The following EBF2 variants were observed in gnomAD, a reference collection of about 807,000 sequenced individuals.
EBF2 encodes EBF transcription factor 2, also known as transcription factor COE2.
A neutral mutation model predicts 72.8 loss-of-function variants in EBF2; 21 were observed. The ratio of observed to expected loss-of-function variants is 0.29; its 90% CI spans 0.20 to 0.42. The LOEUF is 0.42. Among genes scored for constraint, EBF2 ranks in the 10% least tolerant of loss-of-function variants. The pLI, the probability that EBF2 is intolerant of heterozygous loss-of-function variation, is 1.00. For synonymous variants in EBF2, 299 were observed against 274.2 expected (o/e 1.09, Z -0.89); for missense variants, 637 against 731.2 (o/e 0.87, Z 1.49).
chr8:25,965,306 T>A (rs1241680287), intron 6 of EBF2, among the ~76,000 whole-genome samples: 1 of 152,218 alleles, frequency 6.6e-6, no homozygotes, highest in African/African-American at 2.4e-5. Context: ...CGATTTTGTG[T>A]AACATATTTT....
chr8:26,031,989 C>G (rs1031164957), intron 6 of EBF2: 1 of 152,234 alleles, frequency 6.6e-6, no homozygotes, highest in Non-Finnish European at 1.5e-5. Context: ...ACACATCCAA[C>G]AAACATTTTA....
intron 6 of EBF2, among the ~76,000 whole-genome samples, chr8:26,023,299 A>G (rs776101437): frequency 1.3e-5 from 2 of 152,204 alleles, no homozygotes; most frequent in African/African-American, 4.8e-5. Context: ...TCTAAAAACA[A>G]ATACCTACTT....
At chr8:25,869,234 GACA>G (rs1249780738) in intron 10 of EBF2, among the ~76,000 whole-genome samples, 1 of 152,108 alleles carries the variant, frequency 6.6e-6, no homozygotes, top group Admixed American at 6.5e-5. Flanking sequence ...ACACATAAAT[GACA>G]ACTGCTCTGG....
chr8:26,040,011 G>A lies in EBF2; in HGVS notation c.482+17C>T. The A allele has an allele frequency of 1.2e-6, 2 of 1,612,702 alleles. No homozygotes were observed. Among genetic ancestry groups the A allele is most frequent in the Non-Finnish European group, 1.7e-6 (2 of 1,179,016 alleles). On this transcript the variant is annotated intron_variant, in intron 5 of 15. Transcript: ENST00000520164. ...CTGCGGGCTCTCCAGGAAGGCCTGG[G>A]AAAAGGCGGCTCTTACCTACACATC... is the stretch of plus-strand genomic sequence containing the variant.
At chr8:25,938,274 G>C (rs563036173) in intron 6 of EBF2, among the ~76,000 whole-genome samples, 3 of 150,580 alleles carry the variant, frequency 2.0e-5, no homozygotes, top group Non-Finnish European at 4.4e-5. Context: ...TCCCTAAAAT[G>C]TTTCAATGCA....
In EBF2 at chr8:26,044,004, A is replaced by G. The variant is rs970392788; in HGVS notation, c.131+725T>C. On this transcript the variant is annotated intron_variant, in intron 1 of 15. Coordinates refer to ENST00000520164, the MANE Select transcript of EBF2 (RefSeq NM_022659.4). This position sits in a 1 kb window ranked among gnomAD's most constrained non-coding sequence, Gnocchi z 4.1. ...AGGCTGGCGATCCCTGAGCCAGTCT[A>G]GCTGCTGGTGGCCTTTTCTCGCCTC... is the stretch of plus-strand genomic sequence containing the variant. 6.6e-6 allele frequency among the ~76,000 whole-genome samples: 1 copy of G among 152,230 alleles called. No individual in the cohort carries two copies. The highest frequency in any genetic ancestry group is 2.4e-5 in the African/African-American group (1 of 41,460).
intron 7 of EBF2, among the ~76,000 whole-genome samples, chr8:25,899,452 T>C (rs914065545): frequency 1.3e-5 from 2 of 152,130 alleles, no homozygotes; most frequent in African/African-American, 4.8e-5. Context: ...GCTCTCACAC[T>C]GAAAGATGTG....
intron 4 of EBF2, 138 bp downstream of exon 4, chr8:26,040,478 G>A (rs1805579780): frequency 2.6e-6 from 2 of 761,820 alleles, no homozygotes; most frequent in African/African-American, 1.8e-5. Flanking sequence ...CAGACAAGGT[G>A]CTGGGAGGGG....
At chr8:26,041,100 A>G in intron 2 of EBF2, 98 bp from the exon 3 acceptor site, 1 of 1,404,642 alleles carries the variant, frequency 7.1e-7, no homozygotes, top group South Asian at 1.2e-5. Flanking sequence ...CCTTCTCCCC[A>G]TCAAAAGGCA....
intron 7 of EBF2, among the ~76,000 whole-genome samples, chr8:25,897,178 T>C (rs1802874411): frequency 6.6e-6 from 1 of 151,976 alleles, no homozygotes; most frequent in Non-Finnish European, 1.5e-5. Flanking sequence ...GGACTGGGCA[T>C]CAATGGCATT....
chr8:25,939,490 A>G (rs1048809994), intron 6 of EBF2, among the ~76,000 whole-genome samples: 4 of 152,130 alleles, frequency 2.6e-5, no homozygotes, highest in African/African-American at 7.2e-5. Context: ...AGCCCAAAAA[A>G]CCTTTTACAA....
chr8:25,937,587 C>T (rs759770202), intron 6 of EBF2, among the ~76,000 whole-genome samples: 4 of 152,132 alleles, frequency 2.6e-5, no homozygotes, highest in African/African-American at 4.8e-5. Context: ...GTACTGTACA[C>T]GTTTTTCCTT....
chr8:25,942,260 G>C (rs116079368), intron 6 of EBF2, among the ~76,000 whole-genome samples: 3,588 of 152,222 alleles, frequency 0.024, 138 homozygotes, highest in African/African-American at 0.081. Flanking sequence ...TTTTTTATTG[G>C]TACAAATGTA....
chr8:25,990,050 G>A (rs1804520439), intron 6 of EBF2, among the ~76,000 whole-genome samples: 1 of 152,136 alleles, frequency 6.6e-6, no homozygotes, highest in East Asian at 1.9e-4. Context: ...CTGAGATCAG[G>A]AAGCAAGATC....
chr8:25,905,889 C>T (rs1198735242), intron 7 of EBF2, among the ~76,000 whole-genome samples: 2 of 152,270 alleles, frequency 1.3e-5, no homozygotes, highest in Admixed American at 1.3e-4. Flanking sequence ...TTTAGCTCTA[C>T]CCTTGAAATA....
At chr8:25,877,966 A>G (rs1802550636) in intron 10 of EBF2, among the ~76,000 whole-genome samples, 1 of 152,136 alleles carries the variant, frequency 6.6e-6, no homozygotes, top group South Asian at 2.1e-4. Flanking sequence ...GCCAAGCATA[A>G]TTCTTATGAT....
chr8:25,979,300 GGC>G (rs1167101221), intron 6 of EBF2, among the ~76,000 whole-genome samples: 1 of 152,234 alleles, frequency 6.6e-6, no homozygotes, highest in Non-Finnish European at 1.5e-5. Context: ...CTGCACGCTG[GGC>G]TAAGAAACGG....
rs146356854 is a variant in EBF2 at position 25,915,218 on chromosome 8, A to T, written c.552-6663T>A. Among the ~76,000 whole-genome samples, 73 of 151,798 alleles carry T rather than the reference A, an allele frequency of 4.8e-4. 1 individual carries two copies. In the South Asian group the frequency reaches 0.013, roughly 28 times the overall value. ...ACAGCTAGTAAGCAGAAAAAATAAG[A>T]GTGGAAGTAGTCTGTCTGACTCTTA... On this transcript the variant is annotated intron_variant, in intron 6 of 15. Transcript: ENST00000520164.
intron 7 of EBF2, among the ~76,000 whole-genome samples, chr8:25,897,842 G>A (rs1023221344): frequency 1.2e-4 from 18 of 152,128 alleles, no homozygotes; most frequent in African/African-American, 2.2e-4. Context: ...CATGTCTTTC[G>A]GGTAGAACAA....
Sources: gnomAD v4.1 joint callset for allele counts (sites outside exome capture counted in the v4.1 genomes callset) on GRCh38, gnomAD v4.1.1 for gene constraint, Gnocchi (gnomAD v3.1) non-coding constraint, MANE v1.5 for transcripts, NCBI Gene and HGNC (gene_info 2026-07-23, HGNC 2026-07-21) for gene names.